The following ACAA2 variants were observed in gnomAD, a reference collection of about 807,000 sequenced individuals.
ACAA2 encodes the protein 3-ketoacyl-CoA thiolase, mitochondrial.
ACAA2 carries 35 observed loss-of-function variants against 44.8 expected under a neutral mutation model. The observed-to-expected ratio is 0.78, with a 90% CI of 0.60 to 1.04. The LOEUF (loss-of-function observed/expected upper bound fraction) is 1.04, where lower values mean the gene tolerates loss of function less well. ACAA2 is among the 50% of genes least tolerant of loss of function. The pLI, the probability that ACAA2 is intolerant of heterozygous loss-of-function variation, is 0.00. For synonymous variants in ACAA2, 142 were observed against 166.5 expected (o/e 0.85, Z 1.13); for missense variants, 468 against 482.6 (o/e 0.97, Z 0.28).
At chr18:49,791,440 T>C (rs745745330) in intron 7 of ACAA2, 30 bp downstream of exon 7, 45 of 1,597,244 alleles carry the variant, frequency 2.8e-5, no homozygotes, top group Admixed American at 6.7e-5. Context: ...AGAAATATTA[T>C]AGAACCAGTT....
chr18:49,797,764 C>A (rs543919316), intron 2 of ACAA2, among the ~76,000 whole-genome samples, 170 bp from the exon 3 acceptor site: 3 of 152,158 alleles, frequency 2.0e-5, no homozygotes, highest in East Asian at 3.9e-4. Flanking sequence ...TATGTGTTTA[C>A]AATTTGAATA....
At chr18:49,810,241 AC>A (rs764683659) in intron 1 of ACAA2, among the ~76,000 whole-genome samples, 9 of 152,330 alleles carry the variant, frequency 5.9e-5, no homozygotes, top group Non-Finnish European at 1.3e-4. Context: ...AATAAACACC[AC>A]ACGTAACACT....
intron 1 of ACAA2, among the ~76,000 whole-genome samples, chr18:49,809,584 A>G (rs2023646556): frequency 1.3e-5 from 2 of 152,360 alleles, no homozygotes; most frequent in South Asian, 4.1e-4. Flanking sequence ...AAAAGGAAGG[A>G]ATCTTAAATG....
chr18:49,807,677 A>C (rs2023624009), intron 1 of ACAA2, among the ~76,000 whole-genome samples: 2 of 152,068 alleles, frequency 1.3e-5, no homozygotes, highest in Admixed American at 6.6e-5. Context: ...ATAAAAAATT[A>C]AGAAATCAGC....
At position 49,785,100 on chromosome 18, in the gene ACAA2, G is replaced by A. The variant is rs931372099; in HGVS notation, c.1109+97C>T. The A allele has an allele frequency of 1.3e-5, 18 of 1,427,760 alleles. No homozygotes were observed. The Admixed American group carries it at 3.3e-4, about 26-fold the overall frequency. 88.4% of individuals were successfully genotyped at this position (1,427,760 alleles called of 1,614,324 possible). ...TAACAGCCAGTGCAGGAGACATGAA[G>A]AAGAATGAAAAATGTTGGAGTGTTC... is the stretch of plus-strand genomic sequence containing the variant. On this transcript the variant is annotated intron_variant, in intron 9 of 9. Transcript: ENST00000285093.
chr18:49,807,396 A>T (rs1385786674), intron 1 of ACAA2, among the ~76,000 whole-genome samples: 1 of 151,848 alleles, frequency 6.6e-6, no homozygotes, highest in African/African-American at 2.4e-5. Context: ...AAACAAAGAG[A>T]TCATAGACTT....
intron 2 of ACAA2, among the ~76,000 whole-genome samples, chr18:49,801,785 C>CTCATATATATATAT: frequency 8.9e-6 from 1 of 112,226 alleles, no homozygotes; most frequent in Admixed American, 9.1e-5. Flanking sequence ...AGAAACTGAT[C>CTCATATATATATAT]ATATATATAT....
intron 1 of ACAA2, among the ~76,000 whole-genome samples, chr18:49,805,195 A>C (rs1039568359): frequency 1.3e-5 from 2 of 152,348 alleles, no homozygotes; most frequent in South Asian, 4.1e-4. Flanking sequence ...TCTACAAATG[A>C]GACTATTCAA....
intron 7 of ACAA2, among the ~76,000 whole-genome samples, chr18:49,789,377 T>C (rs749336156): frequency 4.5e-4 from 68 of 152,290 alleles, no homozygotes; most frequent in Non-Finnish European, 8.7e-4. Flanking sequence ...CATCACTATA[T>C]ACAAGTGACA....
intron 1 of ACAA2, among the ~76,000 whole-genome samples, chr18:49,803,908 CTTT>C (rs5824806): frequency 3.9e-4 from 46 of 117,960 alleles, no homozygotes; most frequent in Admixed American, 6.1e-4. Flanking sequence ...AATGATATTG[CTTT>C]TTTTTTTTTT....
At chr18:49,812,802 G>A (rs1347006998) in intron 1 of ACAA2, 1 of 152,200 alleles carries the variant, frequency 6.6e-6, no homozygotes, top group Non-Finnish European at 1.5e-5. Flanking sequence ...TCCTGTCTCA[G>A]GGCCTCGATA....
intron 1 of ACAA2, among the ~76,000 whole-genome samples, chr18:49,808,272 CA>C (rs1425678772): frequency 6.6e-6 from 1 of 152,164 alleles, no homozygotes; most frequent in East Asian, 1.9e-4. Context: ...ATGGTATGGC[CA>C]GCTTGGAAGA....
In ACAA2 at chr18:49,794,315, T is replaced by C. The variant is rs144829415; in HGVS notation, c.542A>G (p.Lys181Arg). 2.5e-5 allele frequency: 40 copies of C among 1,609,604 alleles called. No homozygotes were observed. Among genetic ancestry groups the C allele is most frequent in the African/African-American group, 1.9e-4 (14 of 74,802 alleles). ...KHKISREECD[K>R]YALQSQQRWK... ...TCTCTGCTGTGACTGCAGGGCATAT[T>C]TGTCACATTCTTCTCTGCTTATTTT... The change falls in exon 5 of 10, where the codon AAA becomes AGA. Residue 181 changes from lysine (K) to arginine (R), a missense_variant. Physicochemically the swap from Lys to Arg is conservative, Grantham distance 26. Coordinates refer to ENST00000285093, the MANE Select transcript of ACAA2 (RefSeq NM_006111.3).
chr18:49,803,502 G>A (rs989456089), intron 1 of ACAA2, among the ~76,000 whole-genome samples: 19 of 152,146 alleles, frequency 1.2e-4, no homozygotes, highest in South Asian at 2.1e-4. Flanking sequence ...CTCTTAAGAC[G>A]CAAGTTGGTG....
In ACAA2 at chr18:49,785,349, C is replaced by T; in HGVS notation, c.957G>A (p.Val319=). The change falls in exon 9 of 10, where the codon GTG becomes GTA. Residue 319 remains valine (V), a splice_region_variant and synonymous_variant. Coordinates refer to ENST00000285093, the MANE Select transcript of ACAA2 (RefSeq NM_006111.3). Reference sequence around the variant, plus strand: ...AGTACTGGGGAGCAAAAGCTTCATTCACCTTAAAACAAAAATTAGAGCACT... The same window carrying T: ...AGTACTGGGGAGCAAAAGCTTCATTTACCTTAAAACAAAAATTAGAGCACT... ...LSLKDMDLVE[V]NEAFAPQYLA... 1 of 1,611,326 alleles carries T rather than the reference C, an allele frequency of 6.2e-7. No homozygotes were observed. Among genetic ancestry groups the T allele is most frequent in the Non-Finnish European group, 8.5e-7 (1 of 1,179,370 alleles).
intron 1 of ACAA2, chr18:49,811,446 C>T (rs2023668813): frequency 6.6e-6 from 1 of 152,154 alleles, no homozygotes; most frequent in East Asian, 1.9e-4. Context: ...AGTAGGAGAG[C>T]TATGATCTGT....
intron 2 of ACAA2, among the ~76,000 whole-genome samples, chr18:49,801,769 T>C (rs1391999923): frequency 2.2e-5 from 3 of 137,450 alleles, no homozygotes; most frequent in East Asian, 4.4e-4. Context: ...ACATAAGATA[T>C]ATCACAGAAA....
In ACAA2 at chr18:49,791,525, C is replaced by T. The variant is rs2023399068; in HGVS notation, c.828G>A (p.Leu276=). 3.1e-6 allele frequency: 5 copies of T among 1,612,664 alleles called. No homozygotes were observed. Among genetic ancestry groups the T allele is most frequent in the Non-Finnish European group, 4.2e-6 (5 of 1,179,822 alleles). ...DAVKKHNFTP[L]ARIVGYFVSG... is the part of the protein sequence containing the mutation. ...ATACAAAGTAGCCCACAATTCTTGC[C>T]AGTGGTGTGAAGTTATGTTTCTTAA... The change falls in exon 7 of 10, where the codon CTG becomes CTA. Residue 276 remains leucine (L), a synonymous_variant. Transcript: ENST00000285093.
chr18:49,791,690 G>T, intron 6 of ACAA2, 91 bp from the exon 7 acceptor site: 1 of 1,331,622 alleles, frequency 7.5e-7, no homozygotes, highest in Non-Finnish European at 1.0e-6. Context: ...TAGGAATATG[G>T]CAGTACATAG....
Sources: allele counts gnomAD v4.1 joint callset (sites outside exome capture counted in the v4.1 genomes callset), GRCh38; gene constraint gnomAD v4.1.1; transcripts MANE v1.5; gene names NCBI Gene and HGNC (gene_info 2026-07-23, HGNC 2026-07-21).